Variants in ABI3BP observed in about 807,000 individuals in gnomAD.
The protein encoded by ABI3BP is target of Nesh-SH3.
In ABI3BP, 216 loss-of-function variants were observed where a neutral mutation model predicts 268.6. That is an observed-to-expected ratio of 0.80 (90% CI 0.72 to 0.90). The LOEUF is 0.90. ABI3BP is among the 40% of genes least tolerant of loss of function. ABI3BP has a pLI of 0.00. For missense variants in ABI3BP, 2,090 were observed against 2,182.4 expected, an observed-to-expected ratio of 0.96 and a Z score of 0.84; for synonymous variants, 730 against 730.0, an observed-to-expected ratio of 1.00 and a Z score of 0.00.
chr3:100,759,866 A>C (rs1487098547), intron 63 of ABI3BP, among the ~76,000 whole-genome samples: 1 of 152,136 alleles, frequency 6.6e-6, no homozygotes, highest in African/African-American at 2.4e-5. Flanking sequence ...TTGGTAGCTT[A>C]TTTTACTCCT....
intron 1 of ABI3BP, among the ~76,000 whole-genome samples, chr3:100,984,831 A>G (rs2091086336): frequency 6.6e-6 from 1 of 152,148 alleles, no homozygotes; most frequent in South Asian, 2.1e-4. Flanking sequence ...GGCCTTCCCA[A>G]CACAAGAGAA....
intron 40 of ABI3BP, among the ~76,000 whole-genome samples, chr3:100,818,957 C>T (rs901722112): frequency 1.1e-4 from 16 of 152,112 alleles, no homozygotes; most frequent in Admixed American, 2.6e-4. Context: ...TAAATGAGCA[C>T]GAATACAGTC....
intron 1 of ABI3BP, among the ~76,000 whole-genome samples, chr3:100,950,814 C>G (rs1205122552): frequency 6.6e-6 from 1 of 151,844 alleles, no homozygotes; most frequent in Non-Finnish European, 1.5e-5. Context: ...TATGCATGTA[C>G]TTGATCTCTG....
chr3:100,967,312 G>GCCAA (rs2081725297), intron 1 of ABI3BP, among the ~76,000 whole-genome samples: 2 of 151,878 alleles, frequency 1.3e-5, no homozygotes, highest in South Asian at 4.1e-4. Flanking sequence ...GACCAGCCAG[G>GCCAA]CCAACATGGT....
chr3:100,752,117 A>C (rs1451667404), intron 66 of ABI3BP, among the ~76,000 whole-genome samples: 1 of 152,200 alleles, frequency 6.6e-6, no homozygotes, highest in African/African-American at 2.4e-5. Flanking sequence ...GCTAGTGCTA[A>C]CTAACTTTTT....
At chr3:100,953,880 C>G (rs1436255164) in intron 1 of ABI3BP, among the ~76,000 whole-genome samples, 1 of 152,050 alleles carries the variant, frequency 6.6e-6, no homozygotes, top group East Asian at 1.9e-4. Flanking sequence ...AGCAAATAGA[C>G]CAGTTTGATT....
intron 9 of ABI3BP, among the ~76,000 whole-genome samples, chr3:100,867,215 T>G (rs2099060262): frequency 7.0e-6 from 1 of 143,524 alleles, no homozygotes; most frequent in South Asian, 2.3e-4. Context: ...AGAAAAAAAA[T>G]CACAACCCAA....
rs1320275253 is a variant in ABI3BP at position 100,749,308 on chromosome 3, T to TCAGAAATAACAAAC, written c.*1173_*1186dup. The TCAGAAATAACAAAC allele has an allele frequency of 1.8e-5, 1 of 54,384 alleles. No individual in the cohort carries two copies. Among genetic ancestry groups the TCAGAAATAACAAAC allele is most frequent in the Non-Finnish European group, 3.4e-5 (1 of 29,660 alleles). 3.4% of individuals were successfully genotyped at this position (54,384 alleles called of 1,614,324 possible). On this transcript the variant is annotated 3_prime_UTR_variant, in exon 68 of 68. Coordinates refer to ENST00000471714, the MANE Select transcript of ABI3BP (RefSeq NM_001375547.2). ...TATAGTTAACATACTGATGAACCAT[T>TCAGAAATAACAAAC]CAGAAATAACAAACAAAAACTCAAT...
intron 55 of ABI3BP, among the ~76,000 whole-genome samples, chr3:100,792,035 C>G (rs1355108903): frequency 6.6e-6 from 1 of 151,654 alleles, no homozygotes; most frequent in Non-Finnish European, 1.5e-5. Flanking sequence ...TATTAGCAGT[C>G]CACAAGTGTT....
intron 62 of ABI3BP, among the ~76,000 whole-genome samples, chr3:100,770,169 C>T (rs1335159877): frequency 6.6e-6 from 1 of 152,244 alleles, no homozygotes; most frequent in East Asian, 1.9e-4. Flanking sequence ...GTTTGACTAT[C>T]CTCTTCGTTA....
At chr3:100,809,054 G>C (rs2097783233) in intron 49 of ABI3BP, among the ~76,000 whole-genome samples, 1 of 152,056 alleles carries the variant, frequency 6.6e-6, no homozygotes, top group African/African-American at 2.4e-5. Context: ...AGTTTCTGAA[G>C]GAGTCTGCAG....
At chr3:100,870,240 C>T (rs374451449) in intron 9 of ABI3BP, among the ~76,000 whole-genome samples, 1 of 152,246 alleles carries the variant, frequency 6.6e-6, no homozygotes, top group East Asian at 1.9e-4. Context: ...GCAGCCTATG[C>T]ATTGAGAGAA....
At chr3:100,850,844 C>G (rs534439990) in intron 15 of ABI3BP, 110 bp from the exon 16 acceptor site, 8 of 772,114 alleles carry the variant, frequency 1.0e-5, no homozygotes, top group Non-Finnish European at 1.7e-5. Flanking sequence ...ATCAAGAATA[C>G]TTGAGGGCTT....
At position 100,787,765 on chromosome 3, in the gene ABI3BP, T is replaced by C; in HGVS notation, c.4125A>G (p.Lys1375=). 1 of 1,532,766 alleles carries C rather than the reference T, an allele frequency of 6.5e-7. No individual in the cohort carries two copies. The allele number at this position is 1,532,766 out of a possible 1,614,324, so 94.9% of individuals were successfully genotyped here. A position where few individuals can be genotyped will look rare whatever the true frequency, so the allele number is the denominator to read the frequency against. Reference sequence around the variant, plus strand: ...CATTCCCACTGGGCATCCCACTGGGTTTGGGCCTAGTAGGTCTTGTAGTTG... The same window carrying C: ...CATTCCCACTGGGCATCCCACTGGGCTTGGGCCTAGTAGGTCTTGTAGTTG... ...NRTTTRPTRP[K]PSGMPSGNGV... The change falls in exon 57 of 68, where the codon AAA becomes AAG. Residue 1375 remains lysine, a synonymous_variant. Coordinates refer to ENST00000471714, the MANE Select transcript of ABI3BP (RefSeq NM_001375547.2).
Position 100,824,960 on chromosome 3 carries a change from T to G in ABI3BP, c.2663-19A>C. ...TTGGTAGCTGAAGGAAGAAAAAGCC[T>G]TGTGTTACTCTAGGTCTTATGATTC... On this transcript the variant is annotated intron_variant, in intron 35 of 67. Transcript: ENST00000471714. The G allele has an allele frequency of 1.3e-6, 2 of 1,531,534 alleles. No homozygotes were observed. The highest frequency in any genetic ancestry group is 2.4e-5 in the South Asian group (2 of 83,868). The allele number at this position is 1,531,534 out of a possible 1,614,324, so 94.9% of individuals were successfully genotyped here.
intron 29 of ABI3BP, 45 bp downstream of exon 29, chr3:100,834,639 C>A: frequency 6.6e-7 from 1 of 1,515,292 alleles, no homozygotes; most frequent in South Asian, 1.2e-5. Context: ...CCCCATGCCA[C>A]ATCCAATGGG....
At chr3:100,936,289 C>A (rs915832219) in intron 1 of ABI3BP, among the ~76,000 whole-genome samples, 3 of 152,074 alleles carry the variant, frequency 2.0e-5, no homozygotes, top group Non-Finnish European at 4.4e-5. Context: ...TATTAATTTG[C>A]GTATGTTGAA....
At chr3:100,960,098 C>T (rs1259462392) in intron 1 of ABI3BP, among the ~76,000 whole-genome samples, 2 of 152,078 alleles carry the variant, frequency 1.3e-5, no homozygotes, top group African/African-American at 4.8e-5. Flanking sequence ...CTATGATAAA[C>T]ATGCTTAAGG....
intron 4 of ABI3BP, among the ~76,000 whole-genome samples, chr3:100,895,720 C>A (rs1476907085): frequency 1.3e-5 from 2 of 152,150 alleles, no homozygotes; most frequent in African/African-American, 2.4e-5. Flanking sequence ...CAGAATATAA[C>A]CATCATTTTT....
Sources: allele counts gnomAD v4.1 joint callset (sites outside exome capture counted in the v4.1 genomes callset), GRCh38; gene constraint gnomAD v4.1.1; transcripts MANE v1.5; gene names NCBI Gene and HGNC (gene_info 2026-07-23, HGNC 2026-07-21).